Variants in NAALADL2 observed in about 807,000 individuals in gnomAD.
NAALADL2 encodes the protein N-acetylated alpha-linked acidic dipeptidase like 2, also known as inactive N-acetylated-alpha-linked acidic dipeptidase-like protein 2.
Under a neutral mutation model 87.2 loss-of-function variants are expected in NAALADL2, and 76 were observed. That is an observed-to-expected ratio of 0.87 (90% CI 0.72 to 1.05). NAALADL2 has a LOEUF of 1.05. Ranked by LOEUF, NAALADL2 falls within the 50% of genes least tolerant of loss-of-function variation. The pLI is 0.00. For synonymous variants in NAALADL2, 354 were observed against 331.0 expected (o/e 1.07, Z -0.75); for missense variants, 1,089 against 945.8 (o/e 1.15, Z -1.99).
At chr3:175,600,071 A>G (rs923385243) in intron 10 of NAALADL2, among the ~76,000 whole-genome samples, 1 of 151,992 alleles carries the variant, frequency 6.6e-6, no homozygotes, top group African/African-American at 2.4e-5. Flanking sequence ...CATAATTTTA[A>G]AGACATATAT....
At chr3:174,691,574 G>T (rs191158887) in intron 2 of NAALADL2, among the ~76,000 whole-genome samples, 48 of 152,226 alleles carry the variant, frequency 3.2e-4, no homozygotes, top group Admixed American at 1.2e-3. Flanking sequence ...GAAGGCTGGG[G>T]TGACTGTGGC....
chr3:174,809,958 C>G (rs560109257), intron 3 of NAALADL2, among the ~76,000 whole-genome samples: 3 of 152,198 alleles, frequency 2.0e-5, no homozygotes, highest in East Asian at 1.9e-4. Flanking sequence ...GCACCTCCCC[C>G]CTCTCTTGGT....
chr3:175,684,027 T>C (rs1447509813), intron 11 of NAALADL2, among the ~76,000 whole-genome samples: 1 of 152,068 alleles, frequency 6.6e-6, no homozygotes, highest in Non-Finnish European at 1.5e-5. Flanking sequence ...TTAAGATGCA[T>C]CATCTTATAG....
At chr3:175,528,125 T>C (rs544873022) in intron 9 of NAALADL2, among the ~76,000 whole-genome samples, 1 of 152,312 alleles carries the variant, frequency 6.6e-6, no homozygotes, top group Admixed American at 6.5e-5. Context: ...TTATTTGGTG[T>C]ATTAGTCAGG....
intron 2 of NAALADL2, among the ~76,000 whole-genome samples, chr3:175,105,827 T>C (rs192352141): frequency 1.3e-5 from 2 of 152,138 alleles, no homozygotes; most frequent in East Asian, 3.9e-4. Context: ...AGTCACTCTA[T>C]AGTTTTTAAT....
At chr3:174,441,545 C>T (rs1168393021) in intron 1 of NAALADL2, among the ~76,000 whole-genome samples, 1 of 152,162 alleles carries the variant, frequency 6.6e-6, no homozygotes, top group South Asian at 2.1e-4. Flanking sequence ...CGTGGAATGC[C>T]GCTCCAGTGG....
At chr3:175,222,635 C>A (rs1328008008) in intron 2 of NAALADL2, among the ~76,000 whole-genome samples, 2 of 152,090 alleles carry the variant, frequency 1.3e-5, no homozygotes, top group Non-Finnish European at 2.9e-5. Context: ...TGGTTCTCAA[C>A]ATTTTGGCCT....
rs186151391 is a variant in NAALADL2 at position 175,431,133 on chromosome 3, G to T, written c.1091-16096G>T. ...TCATATGATTAATATTTTCTTCGAA[G>T]CAACCTTGCAAATGTGTCACTTCTT... On this transcript the variant is annotated intron_variant, in intron 5 of 13. Coordinates refer to ENST00000454872, the MANE Select transcript of NAALADL2 (RefSeq NM_207015.3). Among the ~76,000 whole-genome samples the T allele has an allele frequency of 1.5e-3, 226 of 152,154 alleles. 1 individual carries two copies. Among genetic ancestry groups the T allele is most frequent in the African/African-American group, 4.5e-3 (186 of 41,560 alleles).
At chr3:175,117,160 T>G (rs1470354650) in intron 2 of NAALADL2, among the ~76,000 whole-genome samples, 1 of 152,028 alleles carries the variant, frequency 6.6e-6, no homozygotes, top group African/African-American at 2.4e-5. Flanking sequence ...ATAAAAACCC[T>G]AGAATAAAAC....
chr3:175,475,030 C>CACAG (rs1725486482), intron 9 of NAALADL2, among the ~76,000 whole-genome samples: 2 of 151,286 alleles, frequency 1.3e-5, no homozygotes, highest in Non-Finnish European at 2.9e-5. Flanking sequence ...TAAGTACACA[C>CACAG]ACACACACAC....
At chr3:175,462,251 A>C (rs552267028) in intron 6 of NAALADL2, among the ~76,000 whole-genome samples, 1 of 152,230 alleles carries the variant, frequency 6.6e-6, no homozygotes, top group African/African-American at 2.4e-5. Flanking sequence ...CTAAGAAACA[A>C]AGTCTATTAA....
chr3:175,497,867 T>C (rs980938641), intron 9 of NAALADL2, among the ~76,000 whole-genome samples: 2 of 152,106 alleles, frequency 1.3e-5, no homozygotes, highest in African/African-American at 2.4e-5. Flanking sequence ...TGGAGATAAA[T>C]AGTTTTGTTT....
intron 5 of NAALADL2, among the ~76,000 whole-genome samples, chr3:175,341,266 A>G (rs1560393707): frequency 6.6e-6 from 1 of 152,122 alleles, no homozygotes; most frequent in Admixed American, 6.6e-5. Context: ...GTGGTTTTTC[A>G]TGACTAACAT....
At chr3:174,855,962 G>A (rs1440665039), upstream of NAALADL2, among the ~76,000 whole-genome samples, 31 of 115,704 alleles carry the variant, frequency 2.7e-4, no homozygotes, top group African/African-American at 1.1e-3. Flanking sequence ...GAATATATGT[G>A]TATGTGTGTG....
At chr3:175,004,995 CCT>C (rs1748823996) in intron 1 of NAALADL2, among the ~76,000 whole-genome samples, 1 of 152,068 alleles carries the variant, frequency 6.6e-6, no homozygotes, top group Non-Finnish European at 1.5e-5. Flanking sequence ...CTCTGTGGCA[CCT>C]GAAAAACAGA....
intron 3 of NAALADL2, among the ~76,000 whole-genome samples, chr3:174,762,992 T>C (rs1713245029): frequency 6.6e-6 from 1 of 152,148 alleles, no homozygotes. Context: ...AGTGGGAAGT[T>C]ACAAATAATA....
intron 11 of NAALADL2, among the ~76,000 whole-genome samples, chr3:175,636,791 A>G (rs575785079): frequency 4.6e-5 from 7 of 152,224 alleles, no homozygotes; most frequent in African/African-American, 1.7e-4. Flanking sequence ...GTAAGCATGT[A>G]TATTAGCTGA....
intron 10 of NAALADL2, among the ~76,000 whole-genome samples, chr3:175,603,819 C>A (rs906070066): frequency 2.6e-5 from 4 of 151,636 alleles, no homozygotes; most frequent in African/African-American, 9.7e-5. Context: ...TGGCAAGACC[C>A]CATCTATAAA....
upstream of NAALADL2, among the ~76,000 whole-genome samples, chr3:174,855,858 G>A (rs1725793388): frequency 6.8e-6 from 1 of 146,866 alleles, no homozygotes; most frequent in African/African-American, 2.5e-5. Context: ...ATGTATATAT[G>A]TGTATATATG....
Sources: gnomAD v4.1 joint callset for allele counts (sites outside exome capture counted in the v4.1 genomes callset) on GRCh38, gnomAD v4.1.1 for gene constraint, MANE v1.5 for transcripts, NCBI Gene and HGNC (gene_info 2026-07-23, HGNC 2026-07-21) for gene names.